Variants in SLC44A3 observed in about 807,000 individuals in gnomAD.
The protein encoded by SLC44A3 is choline transporter-like protein 3.
SLC44A3 carries 74 observed loss-of-function variants against 75.4 expected under a neutral mutation model. The ratio of observed to expected loss-of-function variants is 0.98; its 90% confidence interval spans 0.81 to 1.19. The LOEUF is 1.19. SLC44A3 is among the 50% of genes most tolerant of loss of function. SLC44A3 has a pLI of 0.00. For synonymous variants in SLC44A3, 310 were observed against 296.9 expected (o/e 1.04, Z -0.45); for missense variants, 700 against 778.6 (o/e 0.90, Z 1.20).
At chr1:94,863,290 G>A (rs1294893756) in intron 10 of SLC44A3, among the ~76,000 whole-genome samples, 4 of 152,128 alleles carry the variant, frequency 2.6e-5, no homozygotes, top group East Asian at 3.9e-4. Context: ...GGCAGTGCAG[G>A]TACTCCTCTG....
chr1:94,823,666 A>G (rs1051468326), intron 2 of SLC44A3, among the ~76,000 whole-genome samples: 1 of 152,214 alleles, frequency 6.6e-6, no homozygotes, highest in African/African-American at 2.4e-5. Context: ...TTTGCAGCAT[A>G]AGGTATCAAT....
intron 12 of SLC44A3, among the ~76,000 whole-genome samples, chr1:94,879,527 G>C (rs538968872): frequency 1.0e-5 from 1 of 100,266 alleles, no homozygotes; most frequent in African/African-American, 3.9e-5. Flanking sequence ...GCGAGACTCC[G>C]TCTCAAAAAA....
At chr1:94,878,882 A>C (rs1668616032) in intron 12 of SLC44A3, among the ~76,000 whole-genome samples, 1 of 152,222 alleles carries the variant, frequency 6.6e-6, no homozygotes, top group South Asian at 2.1e-4. Context: ...AGATATCCAC[A>C]AGCAAAAGAA....
Position 94,837,754 on chromosome 1 carries a change from G to C in SLC44A3, c.553G>C (p.Glu185Gln), listed in dbSNP as rs1419560518. The C allele has an allele frequency of 6.2e-6, 10 of 1,604,406 alleles. No individual in the cohort carries two copies. Among genetic ancestry groups the C allele is most frequent in the Non-Finnish European group, 7.6e-6 (9 of 1,176,646 alleles). Residue 185 changes from glutamate to glutamine, a missense_variant, in exon 6 of 15, where the codon GAG becomes CAG. Transcript: ENST00000271227. ...LFNRCVPQTP[E>Q]CYSLFASVLI... ...TAACCGATGTGTCCCTCAAACACCT[G>C]AGTGCTACTCCCTATTTGCATCTGT...
chr1:94,848,065 A>G (rs1664662978), intron 9 of SLC44A3, among the ~76,000 whole-genome samples: 1 of 151,950 alleles, frequency 6.6e-6, no homozygotes, highest in South Asian at 2.1e-4. Flanking sequence ...CGTCTCTACT[A>G]AAAATACAGA....
At chr1:94,825,093 C>A (rs1661123257) in intron 3 of SLC44A3, among the ~76,000 whole-genome samples, 1 of 152,186 alleles carries the variant, frequency 6.6e-6, no homozygotes, top group Admixed American at 6.5e-5. Context: ...CCACCTGGAA[C>A]ACTGGGGACC....
chr1:94,846,992 T>G (rs571936868), intron 9 of SLC44A3, among the ~76,000 whole-genome samples: 59 of 152,272 alleles, frequency 3.9e-4, no homozygotes, highest in Non-Finnish European at 6.6e-4. Context: ...AGGCCTATGT[T>G]TCCACCTTCA....
chr1:94,877,280 T>C (rs1294368270), intron 12 of SLC44A3, among the ~76,000 whole-genome samples: 1 of 152,026 alleles, frequency 6.6e-6, no homozygotes, highest in Non-Finnish European at 1.5e-5. Context: ...TTGGTCTATA[T>C]TGGGAAACCT....
In SLC44A3 at chr1:94,870,017, A is replaced by T. The variant is rs74624584; in HGVS notation, c.1482+2600A>T. The stretch of plus-strand genomic sequence containing the variant: ...CCACTGCTTCTTAAAAGCCTAATCC[A>T]TCTTCACTAAATCCTAGTAGGGAGG... On this transcript the variant is annotated intron_variant, in intron 12 of 14. Coordinates refer to ENST00000271227, the MANE Select transcript of SLC44A3 (RefSeq NM_001114106.3). 6.3e-4 allele frequency among the ~76,000 whole-genome samples: 96 copies of T among 152,354 alleles called. No homozygotes were observed. The East Asian group carries it at 0.017, about 27-fold the overall frequency.
intron 6 of SLC44A3, among the ~76,000 whole-genome samples, chr1:94,839,394 T>C (rs952557390): frequency 1.6e-4 from 24 of 151,046 alleles, no homozygotes; most frequent in African/African-American, 4.8e-4. Flanking sequence ...TCTTTCTTTC[T>C]TTTTTTTTAT....
intron 10 of SLC44A3, among the ~76,000 whole-genome samples, chr1:94,857,918 A>G (rs1666105059): frequency 7.0e-6 from 1 of 143,684 alleles, no homozygotes. Context: ...GGTTCGAGCG[A>G]TTCTTCTGCC....
chr1:94,878,142 G>T (rs1668515015), intron 12 of SLC44A3, among the ~76,000 whole-genome samples: 1 of 152,014 alleles, frequency 6.6e-6, no homozygotes. Context: ...GCTGAGGCAG[G>T]AGAATGGCGT....
Position 94,892,639 on chromosome 1 carries a change from C to G in SLC44A3, c.1857+122C>G. The G allele has an allele frequency of 2.1e-5, 20 of 947,988 alleles. No homozygotes were observed. The South Asian group carries it at 3.2e-4, about 15-fold the overall frequency. The allele number at this position is 947,988 out of a possible 1,614,324, so 58.7% of individuals were successfully genotyped here. A position where few individuals can be genotyped will look rare whatever the true frequency, so the allele number is the denominator to read the frequency against. ...TCTCTTCTAGAGGGCTCTGAGGCTT[C>G]TACTACCCCCGGGCCTGAAAGTGGG... On this transcript the variant is annotated intron_variant, in intron 14 of 14. Coordinates refer to ENST00000271227, the MANE Select transcript of SLC44A3 (RefSeq NM_001114106.3).
rs535134802 is a variant in SLC44A3, at chr1:94,847,996, A to G, written c.1072+2532A>G. ...GTAATCCCAGCACTTTGGGAGGCCA[A>G]GGCGGGCGGATCATGAGGTCATGAG... On this transcript the variant is annotated intron_variant, in intron 9 of 14. Transcript: ENST00000271227. 2.4e-4 allele frequency among the ~76,000 whole-genome samples: 37 copies of G among 152,320 alleles called. 1 individual carries two copies. In the South Asian group the frequency reaches 5.6e-3, roughly 23 times the overall value.
intron 3 of SLC44A3, among the ~76,000 whole-genome samples, chr1:94,824,987 A>G (rs186293084): frequency 1.3e-5 from 2 of 152,342 alleles, no homozygotes; most frequent in East Asian, 3.9e-4. Context: ...AATTGCTGCT[A>G]TTATTCTCCA....
At chr1:94,893,822 C>T (rs181528447) in intron 14 of SLC44A3, among the ~76,000 whole-genome samples, 1,653 of 152,034 alleles carry the variant, frequency 0.011, 22 homozygotes, top group Non-Finnish European at 0.018. Flanking sequence ...AATCCGGGCA[C>T]TATGGCTCAC....
Position 94,820,485 on chromosome 1 carries a change from G to T in SLC44A3, c.27+7G>T, listed in dbSNP as rs1660393596. 6.7e-7 allele frequency: 1 copy of T among 1,493,992 alleles called. No individual in the cohort carries two copies. The highest frequency in any genetic ancestry group is 8.9e-7 in the Non-Finnish European group (1 of 1,124,752). 92.5% of individuals were successfully genotyped at this position (1,493,992 alleles called of 1,614,324 possible). ...CCTGGGCGCCGAGTACCTGGTAAGC[G>T]CTCGCAGCCTCGGCCCTCGGGGGAG... is the stretch of plus-strand genomic sequence containing the variant. On this transcript the variant is annotated splice_region_variant and intron_variant, in intron 1 of 14. Transcript: ENST00000271227.
chr1:94,825,332 T>G (rs1661166541), intron 3 of SLC44A3, among the ~76,000 whole-genome samples: 1 of 152,224 alleles, frequency 6.6e-6, no homozygotes, highest in Non-Finnish European at 1.5e-5. Context: ...TGTTTTATTT[T>G]TATTTTTTAT....
intron 12 of SLC44A3, among the ~76,000 whole-genome samples, chr1:94,889,524 T>TCA (rs57397808): frequency 0.21 from 23,045 of 111,610 alleles, 1,758 homozygotes; most frequent in Non-Finnish European, 0.23. Flanking sequence ...GTGAACATAA[T>TCA]CACACACACA....
Sources: gnomAD v4.1 joint callset for allele counts (sites outside exome capture counted in the v4.1 genomes callset) on GRCh38, gnomAD v4.1.1 for gene constraint, MANE v1.5 for transcripts, NCBI Gene and HGNC (gene_info 2026-07-23, HGNC 2026-07-21) for gene names.